HPSE2: variants seen among roughly 807,000 people sequenced by gnomAD.
HPSE2 encodes inactive heparanase-2.
HPSE2 carries 38 observed loss-of-function variants against 60.5 expected under a neutral mutation model. That is an observed-to-expected ratio of 0.63 (90% CI 0.48 to 0.82). The LOEUF is 0.82. Among genes scored for constraint, HPSE2 ranks in the 40% least tolerant of loss-of-function variants. The pLI is 0.00. For missense variants in HPSE2, 713 were observed against 740.4 expected, an observed-to-expected ratio of 0.96 and a Z score of 0.43; for synonymous variants, 295 against 293.2, an observed-to-expected ratio of 1.01 and a Z score of -0.06.
intron 9 of HPSE2, among the ~76,000 whole-genome samples, chr10:98,545,662 T>C (rs1380385467): frequency 6.6e-6 from 1 of 152,088 alleles, no homozygotes; most frequent in East Asian, 1.9e-4. Context: ...TCTCAAAAAA[T>C]AAGAGCTATC....
Position 99,002,608 on chromosome 10 carries a change from C to G in HPSE2, c.610+141630G>C, listed in dbSNP as rs534278698. On this transcript the variant is annotated intron_variant, in intron 3 of 11. Transcript: ENST00000370552. ...CAACATCATCAAAAACAAGAAAAGT[C>G]TGAGAAACTGTCAGTCAAGAGGAGC... is the stretch of plus-strand genomic sequence containing the variant. Among the ~76,000 whole-genome samples the G allele has an allele frequency of 2.0e-5, 3 of 152,138 alleles. No individual in the cohort carries two copies. The East Asian group carries it at 5.8e-4, about 29-fold the overall frequency.
rs745373250 is a variant in HPSE2, at chr10:98,757,488, A to G, written c.611-13432T>C. On this transcript the variant is annotated intron_variant, in intron 3 of 11. Transcript: ENST00000370552. Reference sequence around the variant, plus strand: ...GGATAAACAACTTCAGTAAAGTTTCAGGATACAAAGTCAATATACAAAAAT... The same window carrying G: ...GGATAAACAACTTCAGTAAAGTTTCGGGATACAAAGTCAATATACAAAAAT... Among the ~76,000 whole-genome samples the G allele has an allele frequency of 7.0e-4, 106 of 152,186 alleles. 1 individual carries two copies. Among genetic ancestry groups the G allele is most frequent in the Admixed American group, 1.2e-3 (18 of 15,266 alleles).
intron 3 of HPSE2, among the ~76,000 whole-genome samples, chr10:98,886,693 G>A (rs891656179): frequency 2.6e-5 from 4 of 152,098 alleles, no homozygotes; most frequent in East Asian, 1.9e-4. Flanking sequence ...ATACTGGAAT[G>A]GACTGATTGG....
At position 99,028,343 on chromosome 10, in the gene HPSE2, T is replaced by G. The variant is rs79522234; in HGVS notation, c.610+115895A>C. Among the ~76,000 whole-genome samples the G allele has an allele frequency of 6.2e-3, 947 of 152,244 alleles. 7 individuals carry two copies. The highest frequency in any genetic ancestry group is 0.021 in the African/African-American group (885 of 41,532). ...ACAAAAATGAGTAGTATTTTCTATA[T>G]GTCAACAGTGAAAAATGGGAAAAAG... On this transcript the variant is annotated intron_variant, in intron 3 of 11. Transcript: ENST00000370552.
chr10:98,468,547 C>T (rs572382421), intron 11 of HPSE2, among the ~76,000 whole-genome samples: 3 of 152,138 alleles, frequency 2.0e-5, no homozygotes, highest in African/African-American at 4.8e-5. Context: ...GCTGGGAGAG[C>T]GGCACATTAT....
At chr10:99,024,753 G>A (rs1487867684) in intron 3 of HPSE2, among the ~76,000 whole-genome samples, 1 of 152,112 alleles carries the variant, frequency 6.6e-6, no homozygotes, top group Non-Finnish European at 1.5e-5. Flanking sequence ...GAAGAGAATG[G>A]CAAGACATAT....
intron 3 of HPSE2, among the ~76,000 whole-genome samples, chr10:98,810,665 C>G (rs11189827): frequency 0.74 from 111,922 of 151,924 alleles, 42,085 homozygotes; most frequent in Non-Finnish European, 0.83. Flanking sequence ...CAGGGGTATA[C>G]GGTCTTTTGG....
intron 3 of HPSE2, among the ~76,000 whole-genome samples, chr10:98,822,240 C>G (rs541558887): frequency 6.6e-6 from 1 of 152,248 alleles, no homozygotes; most frequent in Admixed American, 6.5e-5. Context: ...AGTTCCAGGT[C>G]ATTTTAACCT....
At chr10:98,843,788 T>C (rs1951973084) in intron 3 of HPSE2, among the ~76,000 whole-genome samples, 1 of 152,234 alleles carries the variant, frequency 6.6e-6, no homozygotes, top group Non-Finnish European at 1.5e-5. Context: ...GAAAGGTTAT[T>C]GAAATATTTT....
intron 9 of HPSE2, among the ~76,000 whole-genome samples, chr10:98,573,399 T>C (rs548460349): frequency 1.2e-4 from 18 of 152,240 alleles, no homozygotes; most frequent in African/African-American, 4.1e-4. Context: ...AGAACATGTT[T>C]CTACTTCCCC....
chr10:98,552,141 T>A (rs1224430747), intron 9 of HPSE2, among the ~76,000 whole-genome samples: 2 of 138,860 alleles, frequency 1.4e-5, no homozygotes, highest in East Asian at 5.2e-4. Flanking sequence ...AGGAGAAGCA[T>A]GTTTATAGGG....
chr10:98,600,890 T>C (rs1020325978), intron 9 of HPSE2, among the ~76,000 whole-genome samples: 8 of 105,236 alleles, frequency 7.6e-5, no homozygotes, highest in African/African-American at 2.4e-4. Flanking sequence ...TATACATATA[T>C]ACGTATATAT....
chr10:98,484,583 A>G (rs1010430016), intron 10 of HPSE2, among the ~76,000 whole-genome samples: 19 of 152,248 alleles, frequency 1.2e-4, no homozygotes, highest in African/African-American at 3.9e-4. Flanking sequence ...TTTATTAAAG[A>G]GCAGTCTTTT....
chr10:99,004,948 T>C (rs1956858411), intron 3 of HPSE2, among the ~76,000 whole-genome samples: 1 of 152,162 alleles, frequency 6.6e-6, no homozygotes, highest in South Asian at 2.1e-4. Flanking sequence ...CTTTTTTCCT[T>C]TAGTACTTTG....
intron 2 of HPSE2, among the ~76,000 whole-genome samples, chr10:99,212,464 A>T (rs1848983641): frequency 6.6e-6 from 1 of 152,188 alleles, no homozygotes; most frequent in Admixed American, 6.6e-5. Context: ...TATACAACAG[A>T]ATATTATTCA....
intron 2 of HPSE2, among the ~76,000 whole-genome samples, chr10:99,180,771 T>A (rs191146977): frequency 6.6e-6 from 1 of 151,698 alleles, no homozygotes; most frequent in Admixed American, 6.6e-5. Context: ...GCATCTGTAG[T>A]TCCAGCTACT....
chr10:99,296,972 G>A, the HPSE2 span, among the ~76,000 whole-genome samples: 19 of 152,182 alleles, frequency 1.2e-4, no homozygotes, highest in Admixed American at 1.2e-3. Context: ...GGCAATTGAC[G>A]AGATGAGGAG....
chr10:98,665,615 A>G (rs1261919786), intron 6 of HPSE2, among the ~76,000 whole-genome samples: 2 of 152,224 alleles, frequency 1.3e-5, no homozygotes, highest in African/African-American at 2.4e-5. Flanking sequence ...AAGCCAGAAG[A>G]GATTGCAGCC....
chr10:98,792,880 G>T (rs534251695), intron 3 of HPSE2, among the ~76,000 whole-genome samples: 1 of 152,250 alleles, frequency 6.6e-6, no homozygotes, highest in South Asian at 2.1e-4. Context: ...TCTTTGAAAA[G>T]GTCAGAAGAA....
Sources: allele counts gnomAD v4.1 joint callset (sites outside exome capture counted in the v4.1 genomes callset), GRCh38; gene constraint gnomAD v4.1.1; transcripts MANE v1.5; gene names NCBI Gene and HGNC (gene_info 2026-07-23, HGNC 2026-07-21).